The following G3BP2 variants were observed in gnomAD, a reference collection of about 807,000 sequenced individuals.
G3BP2 encodes ras GTPase-activating protein-binding protein 2.
A neutral mutation model predicts 56.7 loss-of-function variants in G3BP2; 11 were observed. The observed-to-expected ratio is 0.19, with a 90% CI of 0.12 to 0.32. The LOEUF is 0.32. Among genes scored for constraint, G3BP2 ranks in the 10% least tolerant of loss-of-function variants. The probability of loss-of-function intolerance (pLI) is 1.00; values close to 1 mark genes in which losing one functional copy is unlikely to be tolerated. For synonymous variants in G3BP2, 165 were observed against 191.6 expected (o/e 0.86, Z 1.15); for missense variants, 340 against 610.9 (o/e 0.56, Z 4.67).
chr4:75,678,364 C>CCAATCTG (rs1359459912), upstream of G3BP2, among the ~76,000 whole-genome samples: 1 of 150,194 alleles, frequency 6.7e-6, no homozygotes, highest in African/African-American at 2.5e-5. Context: ...ATTATGTTGC[C>CCAATCTG]CAATCTGGTC....
At chr4:75,657,066 A>G in intron 4 of G3BP2, 52 bp from the exon 5 acceptor site, 1 of 763,894 alleles carries the variant, frequency 1.3e-6, no homozygotes, top group Non-Finnish European at 2.2e-6. Context: ...GGTATTATAT[A>G]AAAGAGCAAA....
intron 3 of G3BP2, among the ~76,000 whole-genome samples, chr4:75,680,271 TGA>T (rs985876738): frequency 2.8e-4 from 42 of 152,232 alleles, no homozygotes; most frequent in Non-Finnish European, 5.3e-4. Context: ...GATTTCCTTC[TGA>T]GGGGGGATAG....
chr4:75,720,501 CAAAA>C (rs34007469), intron 3 of G3BP2, among the ~76,000 whole-genome samples: 7 of 115,768 alleles, frequency 6.0e-5, no homozygotes, highest in Admixed American at 1.9e-4. Flanking sequence ...GACTCCGTCT[CAAAA>C]AAAAAAAAAA....
Position 75,643,295 on chromosome 4 carries a change from TTATA to T in G3BP2, c.*2131_*2134del, listed in dbSNP as rs6148524. On this transcript the variant is annotated 3_prime_UTR_variant, in exon 12 of 12. Coordinates refer to ENST00000359707, the MANE Select transcript of G3BP2 (RefSeq NM_203505.3). ...GCAGGGCAATATCCTGAATTGGAAA[TTATA>T]TATATATATATATATATGGAAACAG... 49 of 99,906 alleles carry T rather than the reference TTATA, an allele frequency of 4.9e-4. 4 individuals are homozygous for T. The highest frequency in any genetic ancestry group is 5.0e-4 in the Non-Finnish European group (23 of 46,284). The allele number at this position is 99,906 out of a possible 1,614,324, so 6.2% of individuals were successfully genotyped here.
intron 3 of G3BP2, among the ~76,000 whole-genome samples, chr4:75,708,961 AT>A (rs1390912344): frequency 6.6e-6 from 1 of 152,002 alleles, no homozygotes; most frequent in Non-Finnish European, 1.5e-5. Flanking sequence ...ATACAAAAAA[AT>A]AGCCAGGCAT....
intron 3 of G3BP2, among the ~76,000 whole-genome samples, chr4:75,714,016 A>G (rs936393052): frequency 6.6e-6 from 1 of 152,234 alleles, no homozygotes; most frequent in Non-Finnish European, 1.5e-5. Context: ...TGGAGTAACT[A>G]TTACAGATTA....
intron 3 of G3BP2, among the ~76,000 whole-genome samples, chr4:75,697,072 G>A (rs1249242528): frequency 6.6e-6 from 1 of 151,806 alleles, no homozygotes; most frequent in African/African-American, 2.4e-5. Context: ...GTCAGGAGAT[G>A]AGACCATCCT....
At chr4:75,686,693 G>A (rs759755228) in intron 3 of G3BP2, among the ~76,000 whole-genome samples, 1 of 152,056 alleles carries the variant, frequency 6.6e-6, no homozygotes, top group Non-Finnish European at 1.5e-5. Context: ...TCTCACAAAG[G>A]GGGGAAATGG....
chr4:75,682,786 C>CGGA (rs1734130985), intron 3 of G3BP2, among the ~76,000 whole-genome samples: 3 of 151,978 alleles, frequency 2.0e-5, no homozygotes, highest in African/African-American at 7.3e-5. Context: ...TCGAGACCAT[C>CGGA]CTGGCCAACA....
intron 3 of G3BP2, among the ~76,000 whole-genome samples, chr4:75,686,195 A>C (rs1718592046): frequency 6.6e-6 from 1 of 152,236 alleles, no homozygotes; most frequent in Non-Finnish European, 1.5e-5. Context: ...TTTTCCATTA[A>C]GGATTATTTA....
At chr4:75,710,241 A>G (rs1338267393) in intron 3 of G3BP2, among the ~76,000 whole-genome samples, 1 of 151,628 alleles carries the variant, frequency 6.6e-6, no homozygotes, top group Non-Finnish European at 1.5e-5. Flanking sequence ...GGGATTACAG[A>G]TGTGAGTACC....
At chr4:75,656,796 T>C in intron 5 of G3BP2, 128 bp downstream of exon 5, 4 of 640,336 alleles carry the variant, frequency 6.2e-6, no homozygotes, top group African/African-American at 3.8e-5. Context: ...AACAAAACCA[T>C]GAAAAAAGGA....
chr4:75,693,745 C>T (rs1210810894), intron 3 of G3BP2, among the ~76,000 whole-genome samples: 1 of 150,812 alleles, frequency 6.6e-6, no homozygotes, highest in Non-Finnish European at 1.5e-5. Flanking sequence ...GCCAAGATCG[C>T]ACCACTGCAC....
At chr4:75,714,714 A>T (rs4859405) in intron 3 of G3BP2, among the ~76,000 whole-genome samples, 79,151 of 152,082 alleles carry the variant, frequency 0.52, 22,620 homozygotes, top group East Asian at 0.81. Flanking sequence ...AATTAGTTCA[A>T]TATAAAAAGT....
At chr4:75,713,696 G>A (rs780719787) in intron 3 of G3BP2, among the ~76,000 whole-genome samples, 5 of 152,198 alleles carry the variant, frequency 3.3e-5, no homozygotes, top group South Asian at 2.1e-4. Flanking sequence ...GGCTGAAGCA[G>A]GAGGATCCCT....
intron 9 of G3BP2, among the ~76,000 whole-genome samples, chr4:75,647,517 T>C (rs899123036): frequency 7.9e-5 from 12 of 152,244 alleles, no homozygotes; most frequent in African/African-American, 2.7e-4. Flanking sequence ...TTTGCTTAGT[T>C]TTTTGAAATT....
chr4:75,673,502 A>T, upstream of G3BP2: 1 of 1,231,966 alleles, frequency 8.1e-7, no homozygotes, highest in South Asian at 4.1e-5. Context: ...CCAATCACGC[A>T]TCTCCTCCAG....
chr4:75,671,600 C>A (rs1489974022), intron 1 of G3BP2, among the ~76,000 whole-genome samples: 1 of 152,144 alleles, frequency 6.6e-6, no homozygotes, highest in African/African-American at 2.4e-5. Flanking sequence ...ACTAATATTT[C>A]GACCCTGAAT....
chr4:75,686,040 C>A (rs747790002), intron 3 of G3BP2, among the ~76,000 whole-genome samples: 18 of 152,142 alleles, frequency 1.2e-4, no homozygotes, highest in Non-Finnish European at 2.4e-4. Flanking sequence ...GGGAATGAGA[C>A]AATTTTTTAA....
Sources: gnomAD v4.1 joint callset for allele counts (sites outside exome capture counted in the v4.1 genomes callset) on GRCh38, gnomAD v4.1.1 for gene constraint, MANE v1.5 for transcripts, NCBI Gene and HGNC (gene_info 2026-07-23, HGNC 2026-07-21) for gene names.